ADARB2: variants seen among roughly 807,000 people sequenced by gnomAD.
ADARB2 encodes adenosine deaminase RNA specific B2 (inactive).
ADARB2 carries 25 observed loss-of-function variants against 62.2 expected under a neutral mutation model. The ratio of observed to expected loss-of-function variants is 0.40; its 90% confidence interval spans 0.29 to 0.56. The LOEUF is 0.56. Ranked by LOEUF, ADARB2 falls within the 20% of genes least tolerant of loss-of-function variation. ADARB2 has a pLI of 0.43. For missense variants in ADARB2, 1,071 were observed against 1,077.4 expected, an observed-to-expected ratio of 0.99 and a Z score of 0.08; for synonymous variants, 572 against 500.8, an observed-to-expected ratio of 1.14 and a Z score of -1.90.
chr10:1,585,183 C>T (rs746041486), intron 1 of ADARB2, among the ~76,000 whole-genome samples: 5 of 151,934 alleles, frequency 3.3e-5, no homozygotes, highest in Admixed American at 6.6e-5. Flanking sequence ...ATGGGCAGTG[C>T]GGACAGTGGG....
chr10:1,616,936 G>T (rs12355070), intron 1 of ADARB2, among the ~76,000 whole-genome samples: 1 of 126,868 alleles, frequency 7.9e-6, no homozygotes, highest in African/African-American at 3.3e-5. Flanking sequence ...GACACACTCC[G>T]CACCACCCTG....
At chr10:1,247,987 C>G (rs1831002339) in intron 4 of ADARB2, among the ~76,000 whole-genome samples, 1 of 152,188 alleles carries the variant, frequency 6.6e-6, no homozygotes, top group African/African-American at 2.4e-5. Context: ...GTATGGACAC[C>G]AAAAATGCTC....
At chr10:1,486,444 G>T (rs1448262115) in intron 1 of ADARB2, among the ~76,000 whole-genome samples, 1 of 152,172 alleles carries the variant, frequency 6.6e-6, no homozygotes, top group Non-Finnish European at 1.5e-5. Context: ...CACAAAGTCT[G>T]CACATTTCAG....
At chr10:1,273,483 G>A (rs1034894215) in intron 3 of ADARB2, among the ~76,000 whole-genome samples, 4 of 152,164 alleles carry the variant, frequency 2.6e-5, no homozygotes, top group Admixed American at 6.5e-5. Context: ...CATGAACGAC[G>A]TCCACAAGGT....
At chr10:1,302,149 G>C (rs1831578787) in intron 3 of ADARB2, among the ~76,000 whole-genome samples, 2 of 152,344 alleles carry the variant, frequency 1.3e-5, no homozygotes, top group South Asian at 4.1e-4. Flanking sequence ...GCCAGACAGT[G>C]GGTGCAGGTC....
chr10:1,732,729 C>A (rs1351721847), intron 1 of ADARB2, among the ~76,000 whole-genome samples: 2 of 152,186 alleles, frequency 1.3e-5, no homozygotes, highest in Non-Finnish European at 2.9e-5. Flanking sequence ...CCGGCGGGGA[C>A]GACTGTAGCA....
At chr10:1,564,289 C>G (rs1183185091) in intron 1 of ADARB2, among the ~76,000 whole-genome samples, 1 of 152,184 alleles carries the variant, frequency 6.6e-6, no homozygotes, top group East Asian at 1.9e-4. Context: ...CAACGTTAGA[C>G]CTAAAACCAT....
intron 1 of ADARB2, among the ~76,000 whole-genome samples, chr10:1,724,943 G>A (rs1022639620): frequency 6.6e-6 from 1 of 152,220 alleles, no homozygotes; most frequent in Admixed American, 6.5e-5. Context: ...TTGTTGGGAG[G>A]ATTAAATGAG....
At chr10:1,470,760 C>G (rs919178715) in intron 1 of ADARB2, among the ~76,000 whole-genome samples, 2 of 152,202 alleles carry the variant, frequency 1.3e-5, no homozygotes, top group Non-Finnish European at 2.9e-5. Flanking sequence ...ACCTCCTGGC[C>G]AGGGGCGGTG....
intron 3 of ADARB2, among the ~76,000 whole-genome samples, chr10:1,271,643 GACAC>G (rs964202655): frequency 1.2e-4 from 18 of 151,990 alleles, no homozygotes; most frequent in East Asian, 1.9e-4. Context: ...CACACACACA[GACAC>G]ACACATACAC....
rs117869249 is a variant in ADARB2, at chr10:1,339,483, C to G, written c.1077+23545G>C. 5.5e-3 allele frequency among the ~76,000 whole-genome samples: 834 copies of G among 152,336 alleles called. 3 individuals carry two copies. The highest frequency in any genetic ancestry group is 0.034 in the Middle Eastern group (10 of 294). ...GCTGTATTTTTACTGTTTTCACTTT[C>G]ATCTTGCCTCTCACATCCCTACGTT... On this transcript the variant is annotated intron_variant, in intron 3 of 9. Coordinates refer to ENST00000381312, the MANE Select transcript of ADARB2 (RefSeq NM_018702.4).
In ADARB2 at chr10:1,363,638, A is replaced by G; in HGVS notation, c.467T>C (p.Phe156Ser). ...SQTGPVHAPV[F>S]AVAVEVNGLT... ...CCCGTTCACCTCCACCGCTACCGCG[A>G]AGACCGGGGCATGCACCGGGCCCGT... Residue 156 changes from phenylalanine (F) to serine (S), a missense_variant, in exon 3 of 10, where the codon TTC (phenylalanine) becomes TCC (serine). Physicochemically the swap from Phe to Ser is radical, Grantham distance 155. Transcript: ENST00000381312. The G allele has an allele frequency of 6.2e-7, 1 of 1,605,334 alleles. No individual in the cohort carries two copies. The highest frequency in any genetic ancestry group is 8.5e-7 in the Non-Finnish European group (1 of 1,175,868).
At chr10:1,622,053 A>G (rs1387729477) in intron 1 of ADARB2, among the ~76,000 whole-genome samples, 1 of 152,258 alleles carries the variant, frequency 6.6e-6, no homozygotes, top group Non-Finnish European at 1.5e-5. Flanking sequence ...GCTTACATCC[A>G]TGGGCAACTA....
At chr10:1,476,250 G>T (rs904258866) in intron 1 of ADARB2, among the ~76,000 whole-genome samples, 4 of 152,276 alleles carry the variant, frequency 2.6e-5, no homozygotes, top group African/African-American at 9.6e-5. Flanking sequence ...GTGGAGCCAG[G>T]GGGGCCTGCC....
chr10:1,251,521 T>A (rs1009227726), intron 4 of ADARB2, among the ~76,000 whole-genome samples: 2 of 152,148 alleles, frequency 1.3e-5, no homozygotes, highest in African/African-American at 4.8e-5. Flanking sequence ...TATACATTTG[T>A]CCAAACCCAT....
chr10:1,468,175 TAAAAAG>T (rs1831276335), intron 1 of ADARB2, among the ~76,000 whole-genome samples: 1 of 152,158 alleles, frequency 6.6e-6, no homozygotes, highest in Admixed American at 6.5e-5. Flanking sequence ...TTTGTGAGAC[TAAAAAG>T]AAAAAGAAAA....
At chr10:1,452,969 C>A (rs866621692) in intron 1 of ADARB2, among the ~76,000 whole-genome samples, 35 of 152,304 alleles carry the variant, frequency 2.3e-4, no homozygotes, top group Middle Eastern at 6.8e-3. Flanking sequence ...GAGCCTGGGC[C>A]TCAGTGGGGT....
intron 1 of ADARB2, among the ~76,000 whole-genome samples, chr10:1,450,545 T>G (rs1831023879): frequency 6.6e-6 from 1 of 152,248 alleles, no homozygotes; most frequent in Non-Finnish European, 1.5e-5. Flanking sequence ...TGTGTTCACA[T>G]CTACCGTTTG....
chr10:1,530,008 C>T (rs1268304776), intron 1 of ADARB2, among the ~76,000 whole-genome samples: 1 of 151,324 alleles, frequency 6.6e-6, no homozygotes, highest in Non-Finnish European at 1.5e-5. Context: ...GTCAACTGTC[C>T]CTGTCAATGT....
Sources: gnomAD v4.1 joint callset for allele counts (sites outside exome capture counted in the v4.1 genomes callset) on GRCh38, gnomAD v4.1.1 for gene constraint, MANE v1.5 for transcripts, NCBI Gene and HGNC (gene_info 2026-07-23, HGNC 2026-07-21) for gene names.